The following DCBLD2 variants were observed in gnomAD, a reference collection of about 807,000 sequenced individuals.
The protein encoded by DCBLD2 is discoidin, CUB and LCCL domain containing 2.
In DCBLD2, 54 loss-of-function variants were observed where a neutral mutation model predicts 86.8. That is an observed-to-expected ratio of 0.62 (90% CI 0.50 to 0.78). DCBLD2 has a LOEUF of 0.78. Ranked by LOEUF, DCBLD2 falls within the 30% of genes least tolerant of loss-of-function variation. The pLI is 0.00. For synonymous variants in DCBLD2, 354 were observed against 341.3 expected, an observed-to-expected ratio of 1.04 and a Z score of -0.41; for missense variants, 908 against 954.2, an observed-to-expected ratio of 0.95 and a Z score of 0.64.
chr3:98,901,440 C>G lies in DCBLD2; in HGVS notation c.-114G>C, dbSNP rs987495405. On this transcript the variant is annotated 5_prime_UTR_variant, in exon 1 of 16. Coordinates refer to ENST00000326840, the MANE Select transcript of DCBLD2 (RefSeq NM_080927.4). ...CAGCGGCGGGAGAACAAGAGGCAGC[C>G]CTCGCCTCACCCCGCGCCGGGACCC... is the stretch of plus-strand genomic sequence containing the variant. The G allele has an allele frequency of 9.3e-7, 1 of 1,072,644 alleles. No homozygotes were observed. The highest frequency in any genetic ancestry group is 1.2e-6 in the Non-Finnish European group (1 of 842,248). 66.4% of individuals were successfully genotyped at this position (1,072,644 alleles called of 1,614,324 possible). A position where few individuals can be genotyped will look rare whatever the true frequency, so the allele number is the denominator to read the frequency against.
chr3:98,876,807 C>T (rs1355841200), intron 2 of DCBLD2, among the ~76,000 whole-genome samples: 2 of 152,164 alleles, frequency 1.3e-5, no homozygotes, highest in African/African-American at 2.4e-5. Flanking sequence ...GATACATCCA[C>T]ATGATGGAGT....
At position 98,801,484 on chromosome 3, in the gene DCBLD2, C is replaced by T. The variant is rs1941717232; in HGVS notation, c.1720+116G>A. 4.3e-6 allele frequency: 3 copies of T among 694,828 alleles called. No individual in the cohort carries two copies. In the South Asian group the frequency reaches 6.7e-5, roughly 16 times the overall value. 43.0% of individuals were successfully genotyped at this position (694,828 alleles called of 1,614,324 possible). A position where few individuals can be genotyped will look rare whatever the true frequency, so the allele number is the denominator to read the frequency against. ...AGAACTGAAGAGTAATGCCATTGTTCTAACAGTGTCGGGGAGTTCACCTGG... is the reference window on the plus strand; with the variant it reads ...AGAACTGAAGAGTAATGCCATTGTTTTAACAGTGTCGGGGAGTTCACCTGG... On this transcript the variant is annotated intron_variant, in intron 14 of 15. Transcript: ENST00000326840.
At chr3:98,897,018 C>T (rs1446284386) in intron 1 of DCBLD2, among the ~76,000 whole-genome samples, 1 of 152,160 alleles carries the variant, frequency 6.6e-6, no homozygotes, top group Non-Finnish European at 1.5e-5. Context: ...AATTCTACTC[C>T]TATGTAAATC....
At chr3:98,827,284 A>G (rs1257058798) in intron 3 of DCBLD2, among the ~76,000 whole-genome samples, 1 of 152,116 alleles carries the variant, frequency 6.6e-6, no homozygotes, top group Non-Finnish European at 1.5e-5. Flanking sequence ...ACAAGAATCA[A>G]TTTTCCACTT....
intron 9 of DCBLD2, chr3:98,813,868 C>A (rs1053634864): frequency 6.6e-6 from 1 of 152,086 alleles, no homozygotes; most frequent in Non-Finnish European, 1.5e-5. Flanking sequence ...AATAGGAGGG[C>A]ACAGGAATCT....
chr3:98,863,914 A>G (rs934937363), intron 2 of DCBLD2, among the ~76,000 whole-genome samples: 2 of 152,220 alleles, frequency 1.3e-5, no homozygotes, highest in Admixed American at 6.5e-5. Flanking sequence ...ATCAGAGTGA[A>G]CAGGCAACCT....
intron 2 of DCBLD2, among the ~76,000 whole-genome samples, chr3:98,873,357 G>A (rs1943312293): frequency 6.6e-6 from 1 of 151,996 alleles, no homozygotes; most frequent in Non-Finnish European, 1.5e-5. Context: ...TTTTACAGTA[G>A]AGAGTAAACC....
intron 2 of DCBLD2, among the ~76,000 whole-genome samples, chr3:98,850,815 A>C (rs1942821976): frequency 6.6e-6 from 1 of 152,226 alleles, no homozygotes; most frequent in Non-Finnish European, 1.5e-5. Flanking sequence ...CATATACAAA[A>C]ATCAACTGCA....
intron 3 of DCBLD2, among the ~76,000 whole-genome samples, chr3:98,845,156 AT>A (rs1360215934): frequency 6.6e-6 from 1 of 152,182 alleles, no homozygotes; most frequent in African/African-American, 2.4e-5. Context: ...ATAGGTGAAA[AT>A]GGAAAGAGAT....
At chr3:98,878,641 G>A (rs1401571172) in intron 2 of DCBLD2, among the ~76,000 whole-genome samples, 5 of 152,064 alleles carry the variant, frequency 3.3e-5, no homozygotes, top group African/African-American at 4.8e-5. Flanking sequence ...TCTGCAATAC[G>A]TTAAGAAACT....
chr3:98,861,712 G>A (rs975157850), intron 2 of DCBLD2, among the ~76,000 whole-genome samples: 1 of 152,020 alleles, frequency 6.6e-6, no homozygotes, highest in African/African-American at 2.4e-5. Context: ...GAATCTCTGG[G>A]ACACATTTAA....
intron 3 of DCBLD2, 141 bp from the exon 4 acceptor site, chr3:98,825,507 T>G: frequency 1.5e-6 from 1 of 655,498 alleles, no homozygotes; most frequent in East Asian, 3.2e-5. Context: ...ACTAAAAACT[T>G]TGCCAACTTT....
At position 98,853,128 on chromosome 3, in the gene DCBLD2, T is replaced by C. The variant is rs114947997; in HGVS notation, c.434-3530A>G. On this transcript the variant is annotated intron_variant, in intron 2 of 15. Coordinates refer to ENST00000326840, the MANE Select transcript of DCBLD2 (RefSeq NM_080927.4). ...TGTACAGTCCAAGAATATTGTGCTT[T>C]TGGATAATTGAATTTGATAGAGGTA... 7.0e-3 allele frequency among the ~76,000 whole-genome samples: 1,066 copies of C among 152,290 alleles called. 8 individuals are homozygous for C. Among genetic ancestry groups the C allele is most frequent in the African/African-American group, 0.019 (796 of 41,546 alleles).
At chr3:98,833,168 T>A (rs1433559183) in intron 3 of DCBLD2, among the ~76,000 whole-genome samples, 1 of 152,206 alleles carries the variant, frequency 6.6e-6, no homozygotes. Flanking sequence ...ACTCTCTTAT[T>A]TCAGAGAGCC....
chr3:98,819,546 G>T, intron 7 of DCBLD2, 129 bp from the exon 8 acceptor site: 1 of 955,204 alleles, frequency 1.0e-6, no homozygotes, highest in Non-Finnish European at 1.6e-6. Context: ...CTGTAACAGA[G>T]AAATTTCAAA....
Position 98,829,879 on chromosome 3 carries a change from C to G in DCBLD2, c.572-4513G>C, listed in dbSNP as rs139279770. On this transcript the variant is annotated intron_variant, in intron 3 of 15. Transcript: ENST00000326840. ...CCCACCAACAGCGTTTAAGTGTTCC[C>G]TTTTCTCCATAACCTCATTAGCATG... is the stretch of plus-strand genomic sequence containing the variant. Among the ~76,000 whole-genome samples, 134 of 152,248 alleles carry G rather than the reference C, an allele frequency of 8.8e-4. 2 individuals are homozygous for G. In the East Asian group the frequency reaches 0.018, roughly 21 times the overall value.
intron 13 of DCBLD2, among the ~76,000 whole-genome samples, chr3:98,807,376 A>G (rs1941860121): frequency 6.6e-6 from 1 of 152,154 alleles, no homozygotes; most frequent in South Asian, 2.1e-4. Context: ...CAGAGTCCTC[A>G]TGAATGGGAT....
chr3:98,866,629 G>A (rs1238727400), intron 2 of DCBLD2, among the ~76,000 whole-genome samples: 1 of 151,840 alleles, frequency 6.6e-6, no homozygotes, highest in Admixed American at 6.6e-5. Flanking sequence ...TGAGTAGATT[G>A]CAAAAATTTT....
chr3:98,821,760 G>C (rs986088891), intron 6 of DCBLD2, among the ~76,000 whole-genome samples: 1 of 152,044 alleles, frequency 6.6e-6, no homozygotes, highest in Non-Finnish European at 1.5e-5. Context: ...AAAATATGCA[G>C]ACACTGGCTG....
Sources: allele counts gnomAD v4.1 joint callset (sites outside exome capture counted in the v4.1 genomes callset), GRCh38; gene constraint gnomAD v4.1.1; transcripts MANE v1.5; gene names NCBI Gene and HGNC (gene_info 2026-07-23, HGNC 2026-07-21).